The following PLCG2 variants were observed in gnomAD, a reference collection of about 807,000 sequenced individuals.
PLCG2 encodes the protein phospholipase C gamma 2, also known as 1-phosphatidylinositol 4,5-bisphosphate phosphodiesterase gamma-2.
A neutral mutation model predicts 175.6 loss-of-function variants in PLCG2; 69 were observed. The observed-to-expected ratio is 0.39, with a 90% CI of 0.32 to 0.48. The LOEUF (loss-of-function observed/expected upper bound fraction) is 0.48. Among genes scored for constraint, PLCG2 ranks in the 20% least tolerant of loss-of-function variants. PLCG2 has a pLI of 0.91. For synonymous variants in PLCG2, 827 were observed against 624.0 expected (o/e 1.33, Z -4.85); for missense variants, 1,798 against 1,650.9 (o/e 1.09, Z -1.54).
intron 11 of PLCG2, among the ~76,000 whole-genome samples, chr16:81,892,185 G>C (rs1908669057): frequency 6.6e-6 from 1 of 152,232 alleles, no homozygotes. Flanking sequence ...CTGGAGTGCA[G>C]AATCCAGGAG....
At chr16:81,811,724 A>T (rs998434262) in intron 2 of PLCG2, among the ~76,000 whole-genome samples, 1 of 152,136 alleles carries the variant, frequency 6.6e-6, no homozygotes. Context: ...GTTGCATAGT[A>T]TTCCATGGTG....
chr16:81,893,661 C>A, intron 11 of PLCG2, 48 bp from the exon 12 acceptor site: 4 of 1,167,436 alleles, frequency 3.4e-6, no homozygotes, highest in Admixed American at 1.7e-5. Flanking sequence ...TGCCCCCCAA[C>A]CCCTGTGGCT....
chr16:81,864,298 G>C (rs1431868704), intron 5 of PLCG2, among the ~76,000 whole-genome samples: 1 of 152,182 alleles, frequency 6.6e-6, no homozygotes, highest in Non-Finnish European at 1.5e-5. Flanking sequence ...GCGCTGTCCA[G>C]CAGGGCACCC....
At chr16:81,909,463 G>A (rs1909522888) in intron 17 of PLCG2, among the ~76,000 whole-genome samples, 1 of 152,176 alleles carries the variant, frequency 6.6e-6, no homozygotes, top group African/African-American at 2.4e-5. Context: ...TGTTGCCTAG[G>A]CTGTAGTACA....
intron 1 of PLCG2, among the ~76,000 whole-genome samples, chr16:81,748,552 G>A (rs544458537): frequency 2.0e-5 from 3 of 152,160 alleles, no homozygotes; most frequent in African/African-American, 7.2e-5. Flanking sequence ...TTTGGGGGAG[G>A]GGACATTAGG....
At chr16:81,881,519 T>C (rs1314031784) in intron 8 of PLCG2, among the ~76,000 whole-genome samples, 3 of 152,256 alleles carry the variant, frequency 2.0e-5, no homozygotes, top group Non-Finnish European at 4.4e-5. Context: ...GGAGAAATGT[T>C]GGCCCTGGAG....
upstream of PLCG2, among the ~76,000 whole-genome samples, chr16:81,774,744 GTT>G (rs113581312): frequency 1.3e-4 from 19 of 142,992 alleles, no homozygotes; most frequent in Non-Finnish European, 6.2e-5. Flanking sequence ...CTCTAAGGGT[GTT>G]TTTTTTTTTT....
chr16:81,821,271 A>C (rs151310079), intron 2 of PLCG2, among the ~76,000 whole-genome samples: 2 of 152,396 alleles, frequency 1.3e-5, no homozygotes, highest in East Asian at 3.9e-4. Context: ...TGCCTGGCAC[A>C]TAGCAGATGC....
upstream of PLCG2, among the ~76,000 whole-genome samples, chr16:81,775,558 C>T (rs527339349): frequency 2.0e-5 from 3 of 152,244 alleles, no homozygotes; most frequent in East Asian, 5.8e-4. Flanking sequence ...GATGTAGGTA[C>T]ATTTCTGATA....
intron 31 of PLCG2, among the ~76,000 whole-genome samples, chr16:81,949,182 G>C (rs1332663221): frequency 1.5e-4 from 23 of 152,176 alleles, no homozygotes; most frequent in Non-Finnish European, 2.9e-5. Flanking sequence ...TAATATGAAA[G>C]CATGTCCCAA....
intron 5 of PLCG2, chr16:81,859,414 A>C (rs924438953): frequency 2.2e-6 from 1 of 457,226 alleles, no homozygotes; most frequent in Non-Finnish European, 3.9e-6. Context: ...TTTGGACCTC[A>C]TCACAAATAT....
chr16:81,899,997 C>T (rs1365029846), intron 13 of PLCG2, among the ~76,000 whole-genome samples: 2 of 152,008 alleles, frequency 1.3e-5, no homozygotes, highest in African/African-American at 2.4e-5. Context: ...GAACCATAAC[C>T]CCAATAGATA....
chr16:81,853,553 C>T (rs1226263658), intron 2 of PLCG2, among the ~76,000 whole-genome samples: 2 of 152,176 alleles, frequency 1.3e-5, no homozygotes, highest in Non-Finnish European at 2.9e-5. Context: ...ACCACACAAC[C>T]TGGATCCCTC....
intron 3 of PLCG2, among the ~76,000 whole-genome samples, chr16:81,856,852 G>T (rs540705735): frequency 2.0e-5 from 3 of 152,220 alleles, no homozygotes; most frequent in South Asian, 2.1e-4. Context: ...GAATCACAAG[G>T]GTTCTTAGAT....
chr16:81,934,310 A>T (rs1293523025), intron 25 of PLCG2, 119 bp from the exon 26 acceptor site: 24 of 654,348 alleles, frequency 3.7e-5, no homozygotes, highest in East Asian at 2.4e-4. Context: ...ACATTCAACC[A>T]TATTAAAGAT....
intron 9 of PLCG2, among the ~76,000 whole-genome samples, chr16:81,888,333 C>T (rs531831629): frequency 3.3e-4 from 50 of 152,200 alleles, no homozygotes; most frequent in African/African-American, 1.1e-3. Flanking sequence ...GCCTCAGCCT[C>T]CTGAGTAGCT....
intron 21 of PLCG2, among the ~76,000 whole-genome samples, chr16:81,921,881 T>G (rs1384298052): frequency 2.0e-5 from 3 of 152,240 alleles, no homozygotes; most frequent in African/African-American, 4.8e-5. Context: ...TTTCAAAAAT[T>G]TATAATCCAT....
At chr16:81,806,122 G>T (rs989052530) in intron 2 of PLCG2, among the ~76,000 whole-genome samples, 1 of 146,860 alleles carries the variant, frequency 6.8e-6, no homozygotes, top group Non-Finnish European at 1.6e-5. Flanking sequence ...TCAAAATCCA[G>T]TGTGTGTTTT....
intron 2 of PLCG2, among the ~76,000 whole-genome samples, chr16:81,836,059 G>A (rs1203064384): frequency 6.6e-6 from 1 of 152,090 alleles, no homozygotes; most frequent in African/African-American, 2.4e-5. Context: ...ATGTTTTTGG[G>A]GGATGCAGTT....
Sources: gnomAD v4.1 joint callset for allele counts (sites outside exome capture counted in the v4.1 genomes callset) on GRCh38, gnomAD v4.1.1 for gene constraint, MANE v1.5 for transcripts, NCBI Gene and HGNC (gene_info 2026-07-23, HGNC 2026-07-21) for gene names.